Variants in NOS1 observed in about 807,000 individuals in gnomAD.
The protein encoded by NOS1 is NOS type I.
NOS1 carries 51 observed loss-of-function variants against 164.5 expected under a neutral mutation model. That is an observed-to-expected ratio of 0.31 (90% CI 0.25 to 0.39). NOS1 has a LOEUF of 0.39. Ranked by LOEUF, NOS1 falls within the 10% of genes least tolerant of loss-of-function variation. NOS1 has a pLI of 1.00. For synonymous variants in NOS1, 719 were observed against 745.8 expected, an observed-to-expected ratio of 0.96 and a Z score of 0.59; for missense variants, 1,362 against 1,885.6, an observed-to-expected ratio of 0.72 and a Z score of 5.14.
Position 117,208,351 on chromosome 12 carries a change from G to C in NOS1, c.*6958C>G, listed in dbSNP as rs2135904397. On this transcript the variant is annotated 3_prime_UTR_variant, in exon 29 of 29. Transcript: ENST00000317775. ...ACACTTGGCAGAGATTAGCAGCATT[G>C]AGAGCTCAGAGGTAGGGGGGACGGC... is the stretch of plus-strand genomic sequence containing the variant. 1 of 1,288,832 alleles carries C rather than the reference G, an allele frequency of 7.8e-7. No individual in the cohort carries two copies. Among genetic ancestry groups the C allele is most frequent in the Non-Finnish European group, 1.0e-6 (1 of 988,672 alleles). 79.8% of individuals were successfully genotyped at this position (1,288,832 alleles called of 1,614,324 possible).
chr12:117,300,822 T>C (rs1180169605), intron 3 of NOS1, among the ~76,000 whole-genome samples: 1 of 152,078 alleles, frequency 6.6e-6, no homozygotes, highest in Admixed American at 6.5e-5. Flanking sequence ...AGAGGGAAAT[T>C]AATCTCAAAA....
rs972513368 is a variant in NOS1, at chr12:117,356,955, G to A, written c.-421+4557C>T. ...AACCAATGGCTTTGGTGAAATCAGT[G>A]GTAGTTAAACTGGGTTTATTAGCTC... On this transcript the variant is annotated intron_variant, in intron 1 of 28. Transcript: ENST00000317775. This position sits in a 1 kb window ranked among gnomAD's most constrained non-coding sequence, Gnocchi z 4.2. 1.3e-5 allele frequency among the ~76,000 whole-genome samples: 2 copies of A among 152,178 alleles called. No individual in the cohort carries two copies. Among genetic ancestry groups the A allele is most frequent in the Admixed American group, 6.5e-5 (1 of 15,282 alleles).
chr12:117,254,757 C>T (rs563311104), intron 16 of NOS1, among the ~76,000 whole-genome samples: 9 of 152,226 alleles, frequency 5.9e-5, no homozygotes, highest in East Asian at 1.9e-4. Flanking sequence ...TCAGGGGCTC[C>T]GGAGCCACGT....
intron 25 of NOS1, 111 bp downstream of exon 25, chr12:117,224,905 G>T: frequency 7.1e-7 from 1 of 1,408,212 alleles, no homozygotes; most frequent in Non-Finnish European, 1.0e-6. Flanking sequence ...CTTTTCTGAG[G>T]CGGTGATGCC....
chr12:117,326,660 A>G (rs1324843007), intron 2 of NOS1, among the ~76,000 whole-genome samples: 1 of 152,210 alleles, frequency 6.6e-6, no homozygotes, highest in African/African-American at 2.4e-5. Context: ...GAGGGCCGCA[A>G]GGGATGAGGG....
chr12:117,259,200 G>T, intron 14 of NOS1, 70 bp from the exon 15 acceptor site: 1 of 1,013,710 alleles, frequency 9.9e-7, no homozygotes, highest in Non-Finnish European at 1.5e-6. Flanking sequence ...AGAGGTGGGA[G>T]AGACAAAAAG....
intron 3 of NOS1, among the ~76,000 whole-genome samples, chr12:117,294,213 C>A (rs1048694721): frequency 6.6e-6 from 1 of 152,124 alleles, no homozygotes; most frequent in Non-Finnish European, 1.5e-5. Context: ...AATCCCAGGG[C>A]GGGGATGACA....
At chr12:117,360,956 G>C (rs1185338913) in intron 1 of NOS1, among the ~76,000 whole-genome samples, 1 of 152,136 alleles carries the variant, frequency 6.6e-6, no homozygotes, top group South Asian at 2.1e-4. Flanking sequence ...GTAGACCCCC[G>C]GACCGGAGCC....
At chr12:117,360,761 G>A (rs1169183823) in intron 1 of NOS1, among the ~76,000 whole-genome samples, 1 of 152,222 alleles carries the variant, frequency 6.6e-6, no homozygotes, top group Non-Finnish European at 1.5e-5. Flanking sequence ...GGGCACCGAG[G>A]AAGGCGTAAA....
At chr12:117,278,883 G>T (rs1412664154) in intron 8 of NOS1, among the ~76,000 whole-genome samples, 2 of 148,856 alleles carry the variant, frequency 1.3e-5, no homozygotes, top group Non-Finnish European at 3.0e-5. Flanking sequence ...AATTAAATAT[G>T]TAACACTTAT....
chr12:117,249,384 G>A (rs1461708117), intron 17 of NOS1, among the ~76,000 whole-genome samples: 1 of 152,114 alleles, frequency 6.6e-6, no homozygotes, highest in African/African-American at 2.4e-5. Context: ...GCAATGACCT[G>A]GAACCACTGG....
chr12:117,310,594 T>C (rs1874380406), intron 3 of NOS1, among the ~76,000 whole-genome samples: 1 of 152,126 alleles, frequency 6.6e-6, no homozygotes, highest in South Asian at 2.1e-4. Context: ...ACTATGTGAC[T>C]AGGATTAGGA....
intron 9 of NOS1, among the ~76,000 whole-genome samples, chr12:117,274,051 T>C (rs1464418804): frequency 6.6e-6 from 1 of 152,152 alleles, no homozygotes; most frequent in African/African-American, 2.4e-5. Context: ...GGGGAAAATA[T>C]CTGAAAACTA....
chr12:117,220,720 G>A (rs1053818212), intron 26 of NOS1, among the ~76,000 whole-genome samples: 1 of 152,172 alleles, frequency 6.6e-6, no homozygotes, highest in Non-Finnish European at 1.5e-5. Flanking sequence ...AGCAAGAGAT[G>A]GGGGTGAGGT....
At chr12:117,309,407 C>T (rs77562913) in intron 3 of NOS1, 31,229 of 984,508 alleles carry the variant, frequency 0.032, 531 homozygotes, top group East Asian at 0.074. Flanking sequence ...TCTCATCCTC[C>T]CCGCTGAAGC....
At chr12:117,230,757 A>G (rs1305556871) in intron 22 of NOS1, among the ~76,000 whole-genome samples, 9 of 152,346 alleles carry the variant, frequency 5.9e-5, no homozygotes, top group Non-Finnish European at 1.2e-4. Flanking sequence ...TCTGATCTCT[A>G]ATAGTCCCCC....
intron 1 of NOS1, among the ~76,000 whole-genome samples, chr12:117,342,761 T>C (rs1354534054): frequency 6.6e-6 from 1 of 151,748 alleles, no homozygotes; most frequent in Non-Finnish European, 1.5e-5. Flanking sequence ...GGCAAATGGG[T>C]GGGAAAAGCA....
rs1872850398 is a variant in NOS1 at position 117,272,319 on chromosome 12, G to A, written c.1839+66C>T. On this transcript the variant is annotated intron_variant, in intron 10 of 28. Coordinates refer to ENST00000317775, the MANE Select transcript of NOS1 (RefSeq NM_000620.5). The surrounding 1 kb of genome is among the most constrained non-coding windows in gnomAD (Gnocchi z 4.3). ...AGCCACCAAGCTCGCCGTGGGGAAG[G>A]GGACTGCTGAGCTGGCACCCTCTGC... 1.9e-6 allele frequency: 3 copies of A among 1,566,304 alleles called. No individual in the cohort carries two copies. Among genetic ancestry groups the A allele is most frequent in the Non-Finnish European group, 2.6e-6 (3 of 1,140,736 alleles).
Position 117,213,083 on chromosome 12 carries a change from T to A in NOS1, c.*2226A>T. 1 of 985,458 alleles carries A rather than the reference T, an allele frequency of 1.0e-6. No homozygotes were observed. The highest frequency in any genetic ancestry group is 1.2e-6 in the Non-Finnish European group (1 of 829,936). The allele number at this position is 985,458 out of a possible 1,614,324, so 61.0% of individuals were successfully genotyped here. A position where few individuals can be genotyped will look rare whatever the true frequency, so the allele number is the denominator to read the frequency against. On this transcript the variant is annotated 3_prime_UTR_variant, in exon 29 of 29. Coordinates refer to ENST00000317775, the MANE Select transcript of NOS1 (RefSeq NM_000620.5). ...GTCTGCTACTAGAAAGGCAGGCACATGCAGAAAGGAGGTGCCTGGCACCTT... is the reference window on the plus strand; with the variant it reads ...GTCTGCTACTAGAAAGGCAGGCACAAGCAGAAAGGAGGTGCCTGGCACCTT...
Sources: gnomAD v4.1 joint callset for allele counts (sites outside exome capture counted in the v4.1 genomes callset) on GRCh38, gnomAD v4.1.1 for gene constraint, Gnocchi (gnomAD v3.1) non-coding constraint, MANE v1.5 for transcripts, NCBI Gene and HGNC (gene_info 2026-07-23, HGNC 2026-07-21) for gene names.